TOPBP1: variants seen among roughly 807,000 people sequenced by gnomAD.
The protein encoded by TOPBP1 is DNA topoisomerase 2-binding protein 1.
In TOPBP1, 28 loss-of-function variants were observed where a neutral mutation model predicts 167.7. The ratio of observed to expected loss-of-function variants is 0.17; its 90% CI spans 0.12 to 0.23. TOPBP1 has a LOEUF of 0.23. Among genes scored for constraint, TOPBP1 ranks in the 10% least tolerant of loss-of-function variants. The pLI, the probability that TOPBP1 is intolerant of heterozygous loss-of-function variation, is 1.00. For missense variants in TOPBP1, 1,554 were observed against 1,809.6 expected (o/e 0.86, Z 2.56); for synonymous variants, 598 against 611.4 (o/e 0.98, Z 0.32).
At chr3:133,661,443 G>A (rs903486814) in intron 1 of TOPBP1, among the ~76,000 whole-genome samples, 1 of 152,216 alleles carries the variant, frequency 6.6e-6, no homozygotes, top group South Asian at 2.1e-4. Context: ...TTGTTTTAAG[G>A]ATACACAGAG....
rs1935846973 is a variant in TOPBP1, at chr3:133,640,143, G to T, written c.2049C>A (p.Ser683=). ...ASVQEYFVRK[S]NAKKGMFAST... Reference sequence around the variant, plus strand: ...TGGCAAACATGCCTTTCTTTGCATTGGATTTGCGAACAAAGTATTCTTGAA... The same window carrying T: ...TGGCAAACATGCCTTTCTTTGCATTTGATTTGCGAACAAAGTATTCTTGAA... The change falls in exon 13 of 28, where the codon TCC becomes TCA. Residue 683 remains serine, a synonymous_variant. Coordinates refer to ENST00000260810, the MANE Select transcript of TOPBP1 (RefSeq NM_007027.4). The T allele has an allele frequency of 6.2e-7, 1 of 1,613,368 alleles. No homozygotes were observed.
chr3:133,650,381 GGTT>G (rs1936249711), intron 8 of TOPBP1, among the ~76,000 whole-genome samples: 1 of 96,496 alleles, frequency 1.0e-5, no homozygotes, highest in Non-Finnish European at 1.9e-5. Context: ...CGGGGGGAGG[GGTT>G]GTTTTTTCCA....
rs184311055 is a variant in TOPBP1 at position 133,629,544 on chromosome 3, C to G, written c.2521-811G>C. Among the ~76,000 whole-genome samples, 133 of 152,252 alleles carry G rather than the reference C, an allele frequency of 8.7e-4. 3 individuals carry two copies. Among genetic ancestry groups the G allele is most frequent in the Non-Finnish European group, 2.5e-4 (17 of 68,016 alleles). On this transcript the variant is annotated intron_variant, in intron 14 of 27. Transcript: ENST00000260810. ...AGTTTTGAGACGAGTCTGGGAAACA[C>G]AGTTAGACCCAATTTCTTTTTAAAA... is the stretch of plus-strand genomic sequence containing the variant.
At position 133,616,911 on chromosome 3, in the gene TOPBP1, C is replaced by G; in HGVS notation, c.3774G>C (p.Glu1258Asp). Residue 1258 changes from glutamate (E) to aspartate (D), a missense_variant, in exon 23 of 28, where the codon GAG (glutamate) becomes GAC (aspartate). Coordinates refer to ENST00000260810, the MANE Select transcript of TOPBP1 (RefSeq NM_007027.4). The stretch of plus-strand genomic sequence containing the variant: ...GTTTTTTTAATTCTTCATGAGTCTC[C>G]TCTATCGTTATAATCTGGAATGAAA... The part of the protein sequence containing the change: ...PHPREKIITI[E>D]ETHEELKKQY... 1 of 1,518,894 alleles carries G rather than the reference C, an allele frequency of 6.6e-7. No individual in the cohort carries two copies. The highest frequency in any genetic ancestry group is 8.8e-7 in the Non-Finnish European group (1 of 1,135,164). 94.1% of individuals were successfully genotyped at this position (1,518,894 alleles called of 1,614,324 possible). A position where few individuals can be genotyped will look rare whatever the true frequency, so the allele number is the denominator to read the frequency against.
At position 133,624,097 on chromosome 3, in the gene TOPBP1, T is replaced by C. The variant is rs776144820; in HGVS notation, c.2883A>G (p.Val961=). The C allele has an allele frequency of 5.0e-6, 8 of 1,613,784 alleles. No individual in the cohort carries two copies. In the Admixed American group the frequency reaches 1.2e-4, roughly 24 times the overall value. ...PNDTNREYKS[V]KERGVHIVSE... is the part of the protein sequence containing the mutation. ...AAACAATGTGTACTCCTCTTTCTTT[T>C]ACAGATTTATACTCCCGATTAGTGT... is the stretch of plus-strand genomic sequence containing the variant. Residue 961 remains valine (V), a synonymous_variant, in exon 17 of 28, where the codon GTA becomes GTG. Transcript: ENST00000260810.
At chr3:133,604,195 C>T (rs1307593513) in intron 27 of TOPBP1, among the ~76,000 whole-genome samples, 2 of 151,690 alleles carry the variant, frequency 1.3e-5, no homozygotes, top group Admixed American at 6.6e-5. Context: ...AGTGCAGTGG[C>T]GTGATCTCGT....
At chr3:133,649,718 G>A in intron 9 of TOPBP1, 62 bp downstream of exon 9, 2 of 1,582,828 alleles carry the variant, frequency 1.3e-6, no homozygotes, top group Non-Finnish European at 1.7e-6. Flanking sequence ...GAACTGCGTG[G>A]ATATGCAATT....
chr3:133,660,707 AT>A (rs1369888242), intron 2 of TOPBP1, among the ~76,000 whole-genome samples: 2 of 152,316 alleles, frequency 1.3e-5, no homozygotes, highest in East Asian at 1.9e-4. Context: ...TAACCAAAAA[AT>A]TTTCAAGTAT....
intron 3 of TOPBP1, among the ~76,000 whole-genome samples, chr3:133,658,294 C>T (rs934534380): frequency 1.1e-4 from 16 of 152,070 alleles, no homozygotes; most frequent in Admixed American, 3.3e-4. Context: ...TGGTGAAACC[C>T]CGTCTCTACT....
chr3:133,648,686 A>AGG, intron 10 of TOPBP1, among the ~76,000 whole-genome samples: 1 of 152,178 alleles, frequency 6.6e-6, no homozygotes, highest in Non-Finnish European at 1.5e-5. Flanking sequence ...AATCCCAGCT[A>AGG]CTTGGGAGGC....
chr3:133,619,704 G>A (rs1437100945), intron 20 of TOPBP1, among the ~76,000 whole-genome samples: 1 of 152,166 alleles, frequency 6.6e-6, no homozygotes, highest in South Asian at 2.1e-4. Flanking sequence ...AGAGAGAACT[G>A]CCTACTGAAT....
chr3:133,621,244 A>T (rs549739808), intron 19 of TOPBP1, among the ~76,000 whole-genome samples: 1 of 151,904 alleles, frequency 6.6e-6, no homozygotes, highest in South Asian at 2.1e-4. Flanking sequence ...AACCCCTAGC[A>T]TCAAGCAATC....
chr3:133,648,047 G>C (rs1181881807), intron 10 of TOPBP1, among the ~76,000 whole-genome samples: 2 of 152,084 alleles, frequency 1.3e-5, no homozygotes, highest in African/African-American at 4.8e-5. Flanking sequence ...CAAATAAATG[G>C]TAAAGCTCTA....
chr3:133,623,477 T>C lies in TOPBP1; in HGVS notation c.2929-20A>G. 1.3e-6 allele frequency: 2 copies of C among 1,591,798 alleles called. No individual in the cohort carries two copies. The highest frequency in any genetic ancestry group is 1.7e-6 in the Non-Finnish European group (2 of 1,166,070). ...GGCACACTGCAATACAATGGTGTGC[T>C]TTAAGACAGGACTGACAAAATCTTA... On this transcript the variant is annotated intron_variant, in intron 17 of 27. Coordinates refer to ENST00000260810, the MANE Select transcript of TOPBP1 (RefSeq NM_007027.4).
intron 16 of TOPBP1, 136 bp from the exon 17 acceptor site, chr3:133,624,311 T>C: frequency 1.0e-6 from 1 of 1,004,784 alleles, no homozygotes; most frequent in Non-Finnish European, 1.4e-6. Context: ...ACCATTAAAA[T>C]GACAGGCTCA....
At chr3:133,603,236 T>G (rs903620086) in intron 27 of TOPBP1, among the ~76,000 whole-genome samples, 2 of 151,960 alleles carry the variant, frequency 1.3e-5, no homozygotes, top group African/African-American at 4.8e-5. Flanking sequence ...CACTTCTCCC[T>G]CCAAAAGGTA....
At chr3:133,627,864 C>T (rs1442627468) in intron 16 of TOPBP1, among the ~76,000 whole-genome samples, 1 of 147,606 alleles carries the variant, frequency 6.8e-6, no homozygotes, top group Non-Finnish European at 1.5e-5. Context: ...CAATCTAAGT[C>T]TCCAAAGTTT....
intron 16 of TOPBP1, among the ~76,000 whole-genome samples, chr3:133,624,903 T>C (rs774477293): frequency 1.3e-5 from 2 of 152,208 alleles, no homozygotes; most frequent in Non-Finnish European, 2.9e-5. Flanking sequence ...AGAGATAACT[T>C]TGACTTCAAA....
chr3:133,601,343 A>C lies in TOPBP1; in HGVS notation c.4476T>G (p.Phe1492Leu). 2 of 1,589,886 alleles carry C rather than the reference A, an allele frequency of 1.3e-6. No individual in the cohort carries two copies. The highest frequency in any genetic ancestry group is 1.7e-6 in the Non-Finnish European group (2 of 1,168,290). Reference protein sequence around the residue: ...ENYCLPEAISFIQNNKELGTG... With the variant: ...ENYCLPEAISLIQNNKELGTG... ...TCCCAAGTTCCTTATTATTCTGAAT[A>C]AATGAAATAGCTTCTGGTAGACAGT... is the stretch of plus-strand genomic sequence containing the variant. Residue 1492 changes from phenylalanine to leucine, a missense_variant, in exon 28 of 28, where the codon TTT becomes TTG. Transcript: ENST00000260810.
Sources: gnomAD v4.1 joint callset for allele counts (sites outside exome capture counted in the v4.1 genomes callset) on GRCh38, gnomAD v4.1.1 for gene constraint, MANE v1.5 for transcripts, NCBI Gene and HGNC (gene_info 2026-07-23, HGNC 2026-07-21) for gene names.